The following LST1 variants were observed in gnomAD, a reference collection of about 807,000 sequenced individuals.
LST1 encodes the protein leukocyte-specific transcript 1 protein.
A neutral mutation model predicts 8.5 loss-of-function variants in LST1; 9 were observed. That is an observed-to-expected ratio of 1.06 (90% CI 0.64 to 1.85). LST1 has a LOEUF of 1.85. Ranked by LOEUF, LST1 falls within the 40% of genes most tolerant of loss-of-function variation. The pLI is 0.00. For synonymous variants in LST1, 53 were observed against 50.4 expected (o/e 1.05, Z -0.21); for missense variants, 121 against 117.1 (o/e 1.03, Z -0.16).
chr6:31,587,577 C>A (rs531220430), intron 2 of LST1, 64 bp from the exon 3 acceptor site: 4 of 1,068,164 alleles, frequency 3.7e-6, no homozygotes, highest in Non-Finnish European at 5.5e-6. Context: ...CTGCAACCAA[C>A]CAGGAGGCTG....
intron 4 of LST1, 146 bp from the exon 5 acceptor site, chr6:31,588,369 GAAA>G (rs968047516): frequency 1.3e-6 from 1 of 772,708 alleles, no homozygotes; most frequent in African/African-American, 2.1e-5. Flanking sequence ...TGTCTCCAAA[GAAA>G]AAAGAGAGAG....
intron 3 of LST1, 81 bp from the exon 4 acceptor site, chr6:31,587,863 C>T: frequency 1.3e-6 from 2 of 1,565,528 alleles, no homozygotes; most frequent in Non-Finnish European, 1.7e-6. Flanking sequence ...GGGGAGTCCA[C>T]GCCTGCTGGT....
intron 1 of LST1, chr6:31,586,935 A>G (rs1771986979): frequency 2.9e-6 from 1 of 339,658 alleles, no homozygotes; most frequent in Non-Finnish European, 5.4e-6. Context: ...CCTCCAAACC[A>G]CGTGGTCAGC....
chr6:31,587,905 C>A, intron 3 of LST1, 39 bp from the exon 4 acceptor site: 1 of 1,599,906 alleles, frequency 6.3e-7, no homozygotes, highest in Non-Finnish European at 8.5e-7. Flanking sequence ...GGGAGAAGCA[C>A]AAAGGGTGGG....
rs552153103 is a variant in LST1, at chr6:31,588,415, A to G, written c.136-103A>G. 105 of 1,227,084 alleles carry G rather than the reference A, an allele frequency of 8.6e-5. 1 individual carries two copies. The African/African-American group carries it at 9.8e-4, about 11-fold the overall frequency. The allele number at this position is 1,227,084 out of a possible 1,614,324, so 76.0% of individuals were successfully genotyped here. On this transcript the variant is annotated intron_variant, in intron 4 of 4. Coordinates refer to ENST00000438075, the MANE Select transcript of LST1 (RefSeq NM_205839.3). Reference sequence around the variant, plus strand: ...GAGAGAGAGAGAGGGAGAGAGAGAGAGAGAGAGGGAGAGAAGTAAGAAAGG... The same window carrying G: ...GAGAGAGAGAGAGGGAGAGAGAGAGGGAGAGAGGGAGAGAAGTAAGAAAGG...
Position 31,587,744 on chromosome 6 carries a change from C to T in LST1, c.112+11C>T. 6.4e-7 allele frequency: 1 copy of T among 1,574,172 alleles called. No individual in the cohort carries two copies. Among genetic ancestry groups the T allele is most frequent in the Non-Finnish European group, 8.6e-7 (1 of 1,158,612 alleles). Reference sequence around the variant, plus strand: ...GGCTGCATCGAAGAGGTGAGCGCTGCACTCCCTCCCTCCCCCTGCAGCAGT... The same window carrying T: ...GGCTGCATCGAAGAGGTGAGCGCTGTACTCCCTCCCTCCCCCTGCAGCAGT... On this transcript the variant is annotated intron_variant, in intron 3 of 4. Transcript: ENST00000438075.
intron 2 of LST1, 45 bp downstream of exon 2, chr6:31,587,363 G>A: frequency 1.2e-6 from 2 of 1,606,598 alleles, no homozygotes; most frequent in Non-Finnish European, 1.7e-6. Context: ...AGTCCTGGGA[G>A]CTTAGGAAGT....
Position 31,588,896 on chromosome 6 carries a change from C to A in LST1, c.*220C>A. On this transcript the variant is annotated 3_prime_UTR_variant, in exon 5 of 5. Transcript: ENST00000438075. ...ATTAAAATAAAAAAAACACATGGCT[C>A]ACCCTTCCACCCACTCTGGGGTCAA... is the stretch of plus-strand genomic sequence containing the variant. The A allele has an allele frequency of 1.1e-6, 1 of 882,786 alleles. No individual in the cohort carries two copies. The highest frequency in any genetic ancestry group is 1.7e-6 in the Non-Finnish European group (1 of 584,764). The allele number at this position is 882,786 out of a possible 1,614,324, so 54.7% of individuals were successfully genotyped here.
At chr6:31,587,798 T>C in intron 3 of LST1, 65 bp downstream of exon 3, 3 of 1,496,550 alleles carry the variant, frequency 2.0e-6, no homozygotes, top group Non-Finnish European at 2.7e-6. Flanking sequence ...CCCACACGCT[T>C]TCCCACTGCT....
chr6:31,588,542 C>G lies in LST1; in HGVS notation c.160C>G (p.Leu54Val). The G allele has an allele frequency of 6.2e-7, 1 of 1,610,854 alleles. No homozygotes were observed. The highest frequency in any genetic ancestry group is 8.5e-7 in the Non-Finnish European group (1 of 1,179,016). The change falls in exon 5 of 5, where the codon CTC (leucine) becomes GTC (valine). Residue 54 changes from leucine to valine, a missense_variant. Leu to Val is a conservative substitution (Grantham distance 32). Transcript: ENST00000438075. ...SWAQGSSEQE[L>V]HYASLQRLPV... The stretch of plus-strand genomic sequence containing the variant: ...GGCCCAGGGCTCCTCAGAGCAGGAA[C>G]TCCACTATGCATCTCTGCAGAGGCT...
chr6:31,587,373 T>C, intron 2 of LST1, 55 bp downstream of exon 2: 4 of 1,596,274 alleles, frequency 2.5e-6, no homozygotes, highest in Non-Finnish European at 3.4e-6. Flanking sequence ...GCTTAGGAAG[T>C]GATGGGGAAC....
intron 4 of LST1, 40 bp from the exon 5 acceptor site, chr6:31,588,478 C>A: frequency 1.9e-6 from 3 of 1,556,784 alleles, no homozygotes; most frequent in Non-Finnish European, 2.6e-6. Context: ...AAGGATCTGA[C>A]GGCATCGCCT....
intron 2 of LST1, 50 bp downstream of exon 2, chr6:31,587,368 G>A: frequency 1.3e-6 from 2 of 1,599,808 alleles, no homozygotes; most frequent in Non-Finnish European, 1.7e-6. Flanking sequence ...TGGGAGCTTA[G>A]GAAGTGATGG....
chr6:31,588,743 A>T lies in LST1; in HGVS notation c.*67A>T, dbSNP rs748106275. The T allele has an allele frequency of 6.4e-7, 1 of 1,558,226 alleles. No homozygotes were observed. The highest frequency in any genetic ancestry group is 8.8e-7 in the Non-Finnish European group (1 of 1,130,216). On this transcript the variant is annotated 3_prime_UTR_variant, in exon 5 of 5. Coordinates refer to ENST00000438075, the MANE Select transcript of LST1 (RefSeq NM_205839.3). ...TCCCCCTGTGGTCCAGCCAGTAAAA[A>T]CCATGGTCCCCCCACTTCTGTGTCT...
At chr6:31,587,570 C>A in intron 2 of LST1, 71 bp from the exon 3 acceptor site, 1 of 1,010,622 alleles carries the variant, frequency 9.9e-7, no homozygotes, top group Non-Finnish European at 1.5e-6. Flanking sequence ...GAGAAAGCTG[C>A]AACCAACCAG....
intron 1 of LST1, 68 bp from the exon 2 acceptor site, chr6:31,587,132 A>G (rs2150404154): frequency 1.5e-6 from 1 of 659,148 alleles, no homozygotes; most frequent in South Asian, 1.7e-5. Context: ...TGCCCAGCTC[A>G]GGGTTGGCAC....
In LST1 at chr6:31,587,647, G is replaced by A. The variant is rs763250270; in HGVS notation, c.26G>A (p.Cys9Tyr). MLSRNDDI[C>Y]IYGGLGLGGL... is the part of the protein sequence containing the mutation. ...TGAGCCCTCTTCCCTGAAGATATAT[G>A]TATCTACGGGGGCCTGGGGCTGGGC... is the stretch of plus-strand genomic sequence containing the variant. Residue 9 changes from cysteine to tyrosine, a missense_variant, in exon 3 of 5, where the codon TGT becomes TAT. Cys to Tyr is a radical substitution (Grantham distance 194). Coordinates refer to ENST00000438075, the MANE Select transcript of LST1 (RefSeq NM_205839.3). 3 of 1,595,932 alleles carry A rather than the reference G, an allele frequency of 1.9e-6. No individual in the cohort carries two copies. Among genetic ancestry groups the A allele is most frequent in the Admixed American group, 1.7e-5 (1 of 58,548 alleles).
intron 3 of LST1, 23 bp from the exon 4 acceptor site, chr6:31,587,921 T>C (rs2150407159): frequency 6.2e-7 from 1 of 1,608,404 alleles, no homozygotes; most frequent in South Asian, 1.1e-5. Flanking sequence ...GTGGGCTGTG[T>C]TGAGCTTCTT....
At chr6:31,587,035 A>G (rs919983487) in intron 1 of LST1, 165 bp from the exon 2 acceptor site, 1 of 578,542 alleles carries the variant, frequency 1.7e-6, no homozygotes. Flanking sequence ...GACCTAGTAA[A>G]GTCCAGGCTT....
Sources: gnomAD v4.1 joint callset for allele counts on GRCh38, gnomAD v4.1.1 for gene constraint, MANE v1.5 for transcripts, NCBI Gene and HGNC (gene_info 2026-07-23, HGNC 2026-07-21) for gene names.